Variants in PTPN14 observed in about 807,000 individuals in gnomAD.
The protein encoded by PTPN14 is protein tyrosine phosphatase non-receptor type 14.
In PTPN14, 53 loss-of-function variants were observed where a neutral mutation model predicts 126.8. That is an observed-to-expected ratio of 0.42 (90% CI 0.34 to 0.53). The LOEUF (loss-of-function observed/expected upper bound fraction) is 0.53, where lower values mean the gene tolerates loss of function less well. PTPN14 is among the 20% of genes least tolerant of loss of function. The pLI, the probability that PTPN14 is intolerant of heterozygous loss-of-function variation, is 0.08. For missense variants in PTPN14, 1,257 were observed against 1,552.9 expected, an observed-to-expected ratio of 0.81 and a Z score of 3.20; for synonymous variants, 630 against 599.3, an observed-to-expected ratio of 1.05 and a Z score of -0.75.
At chr1:214,523,618 C>G (rs1399538201) in intron 1 of PTPN14, among the ~76,000 whole-genome samples, 1 of 152,110 alleles carries the variant, frequency 6.6e-6, no homozygotes, top group Non-Finnish European at 1.5e-5. Flanking sequence ...AGAACATACC[C>G]CCTTGTTAAG....
intron 3 of PTPN14, among the ~76,000 whole-genome samples, chr1:214,444,504 G>A (rs1163323560): frequency 1.3e-5 from 2 of 152,070 alleles, no homozygotes; most frequent in African/African-American, 4.8e-5. Context: ...AAGAACTGGA[G>A]GAACAAAATA....
At chr1:214,543,500 A>G (rs1276346452) in intron 1 of PTPN14, among the ~76,000 whole-genome samples, 1 of 152,242 alleles carries the variant, frequency 6.6e-6, no homozygotes, top group Non-Finnish European at 1.5e-5. Context: ...AATTACATAT[A>G]GTCATTAACA....
At chr1:214,524,442 A>G (rs987661597) in intron 1 of PTPN14, among the ~76,000 whole-genome samples, 1 of 151,940 alleles carries the variant, frequency 6.6e-6, no homozygotes, top group Non-Finnish European at 1.5e-5. Flanking sequence ...GCTTGAGTCC[A>G]GGAGTTCAAG....
chr1:214,488,939 A>G (rs957973142), intron 1 of PTPN14, among the ~76,000 whole-genome samples: 1 of 152,262 alleles, frequency 6.6e-6, no homozygotes, highest in Non-Finnish European at 1.5e-5. Context: ...TTCTCGAAAT[A>G]TGAAATTCTC....
At chr1:214,545,403 T>C (rs900352100) in intron 1 of PTPN14, among the ~76,000 whole-genome samples, 1 of 152,118 alleles carries the variant, frequency 6.6e-6, no homozygotes, top group Non-Finnish European at 1.5e-5. Flanking sequence ...GGGGCCAGAC[T>C]CCCTTTATCA....
Position 214,355,603 on chromosome 1 carries a change from T to C in PTPN14, c.*2319A>G, listed in dbSNP as rs1255806731. On this transcript the variant is annotated 3_prime_UTR_variant, in exon 19 of 19. Transcript: ENST00000366956. ...TACAAAGATCAGCAGATTATACTCCTTCACTGAGCCTTCAGACCTTGAAGT... is the reference window on the plus strand; with the variant it reads ...TACAAAGATCAGCAGATTATACTCCCTCACTGAGCCTTCAGACCTTGAAGT... 5 of 152,198 alleles carry C rather than the reference T, an allele frequency of 3.3e-5. No homozygotes were observed. Among genetic ancestry groups the C allele is most frequent in the African/African-American group, 1.2e-4 (5 of 41,440 alleles). 9.4% of individuals were successfully genotyped at this position (152,198 alleles called of 1,614,324 possible).
chr1:214,497,926 G>GAA (rs1654575897), intron 1 of PTPN14, among the ~76,000 whole-genome samples: 1 of 152,032 alleles, frequency 6.6e-6, no homozygotes, highest in Non-Finnish European at 1.5e-5. Context: ...GAGAGAGAGA[G>GAA]AAACACAATG....
At position 214,349,192 on chromosome 1, in the gene PTPN14, C is replaced by G. The variant is rs1657657066; in HGVS notation, c.*8730G>C. 3 of 152,156 alleles carry G rather than the reference C, an allele frequency of 2.0e-5. No individual in the cohort carries two copies. The highest frequency in any genetic ancestry group is 2.0e-4 in the Admixed American group (3 of 15,278). The allele number at this position is 152,156 out of a possible 1,614,324, so 9.4% of individuals were successfully genotyped here. A position where few individuals can be genotyped will look rare whatever the true frequency, so the allele number is the denominator to read the frequency against. On this transcript the variant is annotated 3_prime_UTR_variant, in exon 19 of 19. Transcript: ENST00000366956. ...CTTGCAAGGTGGCAAGCGGCCACCACAGGGGGCGAATGTGCTCTCAGGATC... is the reference window on the plus strand; with the variant it reads ...CTTGCAAGGTGGCAAGCGGCCACCAGAGGGGGCGAATGTGCTCTCAGGATC...
intron 18 of PTPN14, among the ~76,000 whole-genome samples, chr1:214,359,335 T>C (rs552914247): frequency 2.7e-5 from 4 of 150,926 alleles, no homozygotes; most frequent in Non-Finnish European, 5.9e-5. Context: ...TGCCTCAGCC[T>C]CCTGAGTAGC....
intron 5 of PTPN14, among the ~76,000 whole-genome samples, chr1:214,409,542 C>T (rs1002932709): frequency 6.6e-6 from 1 of 152,186 alleles, no homozygotes; most frequent in African/African-American, 2.4e-5. Context: ...GTGTAGACAT[C>T]TCTTTGACAT....
rs148220425 is a variant in PTPN14 at position 214,363,373 on chromosome 1, T to G, written c.3435+1139A>C. Reference sequence around the variant, plus strand: ...ATGATTCAATATGACAAACTTCATGTAGCAATATTTAATCTGATTTTCAAA... The same window carrying G: ...ATGATTCAATATGACAAACTTCATGGAGCAATATTTAATCTGATTTTCAAA... On this transcript the variant is annotated intron_variant, in intron 18 of 18. Transcript: ENST00000366956. Among the ~76,000 whole-genome samples the G allele has an allele frequency of 7.6e-3, 1,151 of 152,346 alleles. 16 individuals are homozygous for G. The highest frequency in any genetic ancestry group is 0.026 in the African/African-American group (1,081 of 41,568).
At chr1:214,445,249 T>G (rs1198526337) in intron 3 of PTPN14, among the ~76,000 whole-genome samples, 2 of 152,082 alleles carry the variant, frequency 1.3e-5, no homozygotes, top group African/African-American at 4.8e-5. Context: ...ATCCACCAGA[T>G]AGAGGGTACT....
In PTPN14 at chr1:214,354,576, A is replaced by T. The variant is rs1657773281; in HGVS notation, c.*3346T>A. 6.6e-6 allele frequency: 1 copy of T among 152,268 alleles called. No individual in the cohort carries two copies. Among genetic ancestry groups the T allele is most frequent in the Non-Finnish European group, 1.5e-5 (1 of 68,076 alleles). The allele number at this position is 152,268 out of a possible 1,614,324, so 9.4% of individuals were successfully genotyped here. On this transcript the variant is annotated 3_prime_UTR_variant, in exon 19 of 19. Coordinates refer to ENST00000366956, the MANE Select transcript of PTPN14 (RefSeq NM_005401.5). Reference sequence around the variant, plus strand: ...CAGCAGGACATTCCTCAGCTAAGCCAGCAGGCTCATCTCAAGGATGAAGAC... The same window carrying T: ...CAGCAGGACATTCCTCAGCTAAGCCTGCAGGCTCATCTCAAGGATGAAGAC...
At chr1:214,458,556 G>T (rs1660436881) in intron 2 of PTPN14, among the ~76,000 whole-genome samples, 1 of 152,164 alleles carries the variant, frequency 6.6e-6, no homozygotes, top group Non-Finnish European at 1.5e-5. Context: ...CCAACAATTT[G>T]TAGAGGTGGC....
chr1:214,419,246 G>A (rs1465934786), intron 3 of PTPN14, among the ~76,000 whole-genome samples: 2 of 152,142 alleles, frequency 1.3e-5, no homozygotes, highest in African/African-American at 2.4e-5. Context: ...CACTCTGTAA[G>A]CTGTAACTAC....
chr1:214,524,958 T>C (rs1209370034), intron 1 of PTPN14, among the ~76,000 whole-genome samples: 1 of 152,134 alleles, frequency 6.6e-6, no homozygotes, highest in African/African-American at 2.4e-5. Context: ...GTAGTAAGTG[T>C]ACACTATAAA....
rs1439818831 is a variant in PTPN14, at chr1:214,384,484, C to A, written c.1371G>T (p.Leu457=). Residue 457 remains leucine, a synonymous_variant, in exon 13 of 19, where the codon CTG becomes CTT. Transcript: ENST00000366956. This position sits in a 1 kb window ranked among gnomAD's most constrained non-coding sequence, Gnocchi z 5.3. ...TVMRQMKRGI[L]HTDSQSQSLR... ...GAGACTGGCTCTGGCTGTCTGTATG[C>A]AGGATCCCCCTCTTCATCTGGCGCA... is the stretch of plus-strand genomic sequence containing the variant. 3.1e-6 allele frequency: 5 copies of A among 1,614,136 alleles called. No individual in the cohort carries two copies. In the East Asian group the frequency reaches 8.9e-5, roughly 29 times the overall value.
At chr1:214,373,167 G>C (rs774638332) in intron 15 of PTPN14, among the ~76,000 whole-genome samples, 1 of 152,118 alleles carries the variant, frequency 6.6e-6, no homozygotes, top group African/African-American at 2.4e-5. Context: ...CAATTCTCCC[G>C]TCTCAGAATC....
At chr1:214,495,417 A>T (rs1243285792) in intron 1 of PTPN14, among the ~76,000 whole-genome samples, 1 of 152,206 alleles carries the variant, frequency 6.6e-6, no homozygotes, top group African/African-American at 2.4e-5. Context: ...GAAGGAATAA[A>T]AAGGACATGT....
Sources: gnomAD v4.1 joint callset for allele counts (sites outside exome capture counted in the v4.1 genomes callset) on GRCh38, gnomAD v4.1.1 for gene constraint, Gnocchi (gnomAD v3.1) non-coding constraint, MANE v1.5 for transcripts, NCBI Gene and HGNC (gene_info 2026-07-23, HGNC 2026-07-21) for gene names.